Variants in SHLD1 observed in about 807,000 individuals in gnomAD.
SHLD1 encodes the protein RINN1-REV7-interacting novel NHEJ regulator 3.
A neutral mutation model predicts 5.5 loss-of-function variants in SHLD1; 3 were observed. The ratio of observed to expected loss-of-function variants is 0.54; its 90% CI spans 0.25 to 1.40. SHLD1 has a LOEUF of 1.40. Ranked by LOEUF, SHLD1 falls within the 40% of genes most tolerant of loss-of-function variation. The pLI is 0.15. For missense variants in SHLD1, 210 were observed against 244.4 expected, an observed-to-expected ratio of 0.86 and a Z score of 0.94; for synonymous variants, 92 against 94.3, an observed-to-expected ratio of 0.98 and a Z score of 0.14.
intron 2 of SHLD1, among the ~76,000 whole-genome samples, chr20:5,844,193 A>G (rs573905661): frequency 1.9e-4 from 29 of 152,330 alleles, no homozygotes; most frequent in Non-Finnish European, 3.1e-4. Context: ...CGTTTAATTC[A>G]GCGCTGTGAT....
At chr20:5,849,595 T>C (rs1235118905) in intron 2 of SHLD1, among the ~76,000 whole-genome samples, 1 of 152,214 alleles carries the variant, frequency 6.6e-6, no homozygotes, top group African/African-American at 2.4e-5. Flanking sequence ...TAATGTGTCA[T>C]AATACATGTA....
At chr20:5,801,469 G>A (rs554117548) in intron 2 of SHLD1, among the ~76,000 whole-genome samples, 5 of 152,362 alleles carry the variant, frequency 3.3e-5, no homozygotes, top group African/African-American at 1.2e-4. Flanking sequence ...TGCCCTGGAA[G>A]TGAACGAGAA....
intron 2 of SHLD1, among the ~76,000 whole-genome samples, chr20:5,783,049 GAGGAA>G (rs2087008834): frequency 1.3e-5 from 2 of 152,206 alleles, no homozygotes; most frequent in Admixed American, 6.6e-5. Context: ...AGAGTATGGA[GAGGAA>G]AGGAAAGAAG....
intron 2 of SHLD1, among the ~76,000 whole-genome samples, chr20:5,779,668 A>G (rs2122267537): frequency 6.6e-6 from 1 of 152,292 alleles, no homozygotes; most frequent in Non-Finnish European, 1.5e-5. Context: ...TTGATCTTCC[A>G]GGGATTGGGA....
chr20:5,769,512 G>A (rs553077790), intron 1 of SHLD1, among the ~76,000 whole-genome samples: 1 of 152,216 alleles, frequency 6.6e-6, no homozygotes, highest in South Asian at 2.1e-4. Context: ...TATGTACTAC[G>A]TTTTTTCCTA....
At position 5,858,118 on chromosome 20, in the gene SHLD1, T is replaced by G. The variant is rs1005784456; in HGVS notation, c.179-4906T>G. On this transcript the variant is annotated intron_variant, in intron 2 of 2. Coordinates refer to ENST00000303142, the MANE Select transcript of SHLD1 (RefSeq NM_152504.4). ...CATCTCAAAAAAAAAAAAAAAAAAG[T>G]CTTAGATTTCTTTCAGCTCTGTAAC... 4.0e-3 allele frequency among the ~76,000 whole-genome samples: 562 copies of G among 141,320 alleles called. 4 individuals carry two copies. Among genetic ancestry groups the G allele is most frequent in the African/African-American group, 0.014 (543 of 37,832 alleles). The allele number at this position is 141,320 out of a possible 152,430, so 92.7% of individuals were successfully genotyped here.
chr20:5,825,368 G>A (rs775527895), intron 2 of SHLD1, among the ~76,000 whole-genome samples: 6 of 152,162 alleles, frequency 3.9e-5, no homozygotes, highest in Non-Finnish European at 7.3e-5. Flanking sequence ...TCTAAGAGCT[G>A]GTTAATGGAG....
rs1452792319 is a variant in SHLD1, at chr20:5,772,959, C to T, written c.94C>T (p.Gln32Ter). The T allele has an allele frequency of 6.2e-7, 1 of 1,614,150 alleles. No homozygotes were observed. The highest frequency in any genetic ancestry group is 1.7e-5 in the Admixed American group (1 of 60,018). The change falls in exon 2 of 3, where the codon CAG becomes TAG. Residue 32 changes from glutamine to a stop codon, truncating the protein, a stop_gained. Transcript: ENST00000303142. LOFTEE classifies it high-confidence loss of function. The stretch of plus-strand genomic sequence containing the variant: ...GTGTGACATAAGAGATTACGTCCTG[C>T]AGGGACCCAGCCAAGAAGCCAACAG... ...SACDIRDYVLQGPSQEANSEA... is the reference protein window; with the variant it reads ...SACDIRDYVL
intron 1 of SHLD1, among the ~76,000 whole-genome samples, chr20:5,770,774 T>G (rs1231822302): frequency 6.6e-6 from 1 of 152,218 alleles, no homozygotes; most frequent in Non-Finnish European, 1.5e-5. Context: ...ACCAGGCAGA[T>G]GTATGTGGCC....
At chr20:5,850,294 C>G (rs995766360) in intron 2 of SHLD1, among the ~76,000 whole-genome samples, 1 of 151,692 alleles carries the variant, frequency 6.6e-6, no homozygotes, top group African/African-American at 2.4e-5. Context: ...GTTTACCTGG[C>G]TTCTTAGTCT....
intron 1 of SHLD1, among the ~76,000 whole-genome samples, chr20:5,769,340 T>C (rs1390147045): frequency 1.3e-5 from 2 of 152,232 alleles, no homozygotes; most frequent in African/African-American, 4.8e-5. Context: ...GTTTCTTCTC[T>C]GCTGAGAGCA....
chr20:5,781,889 C>T (rs1008123692), intron 2 of SHLD1, among the ~76,000 whole-genome samples: 4 of 152,184 alleles, frequency 2.6e-5, no homozygotes, highest in African/African-American at 9.6e-5. Context: ...TATTTAATAA[C>T]CAATACAGCA....
intron 1 of SHLD1, among the ~76,000 whole-genome samples, chr20:5,767,043 A>G (rs1042178845): frequency 7.2e-5 from 11 of 152,166 alleles, no homozygotes; most frequent in African/African-American, 2.7e-4. Flanking sequence ...CCTCTAACCC[A>G]GTTAATAAAA....
intron 2 of SHLD1, among the ~76,000 whole-genome samples, chr20:5,858,132 C>G (rs1326169998): frequency 6.6e-6 from 1 of 150,948 alleles, no homozygotes; most frequent in Non-Finnish European, 1.5e-5. Flanking sequence ...AGATTTCTTT[C>G]AGCTCTGTAA....
intron 1 of SHLD1, among the ~76,000 whole-genome samples, chr20:5,763,948 A>G (rs1285886335): frequency 6.7e-4 from 77 of 114,284 alleles, no homozygotes; most frequent in African/African-American, 2.9e-3. Context: ...GTCTTTACTA[A>G]AAAAAAAAAA....
chr20:5,784,605 C>T (rs1018144882), intron 2 of SHLD1, among the ~76,000 whole-genome samples: 31 of 151,936 alleles, frequency 2.0e-4, no homozygotes, highest in Non-Finnish European at 3.7e-4. Flanking sequence ...CGCCCGCCAC[C>T]ACGCCCGGCT....
chr20:5,856,534 G>A (rs539434976), intron 2 of SHLD1, among the ~76,000 whole-genome samples: 4 of 152,346 alleles, frequency 2.6e-5, no homozygotes, highest in Admixed American at 6.5e-5. Context: ...GACTAGCCCA[G>A]ATCCATGGCC....
At chr20:5,751,467 C>A (rs573713255) in intron 1 of SHLD1, among the ~76,000 whole-genome samples, 1 of 152,104 alleles carries the variant, frequency 6.6e-6, no homozygotes, top group African/African-American at 2.4e-5. Flanking sequence ...CCACCACGTT[C>A]GACTAATTTT....
At chr20:5,779,778 A>C (rs1266770732) in intron 2 of SHLD1, among the ~76,000 whole-genome samples, 1 of 152,052 alleles carries the variant, frequency 6.6e-6, no homozygotes, top group Non-Finnish European at 1.5e-5. Flanking sequence ...ACTGTTGGCT[A>C]CCTTCATGTA....
Sources: gnomAD v4.1 joint callset for allele counts (sites outside exome capture counted in the v4.1 genomes callset) on GRCh38, gnomAD v4.1.1 for gene constraint, MANE v1.5 for transcripts, NCBI Gene and HGNC (gene_info 2026-07-23, HGNC 2026-07-21) for gene names.